CSMD1: variants seen among roughly 807,000 people sequenced by gnomAD.
CSMD1 encodes CUB and sushi domain-containing protein 1.
Under a neutral mutation model 417.5 loss-of-function variants are expected in CSMD1, and 213 were observed. The observed-to-expected ratio is 0.51, with a 90% CI of 0.46 to 0.57. The LOEUF is 0.57. Among genes scored for constraint, CSMD1 ranks in the 20% least tolerant of loss-of-function variants. The pLI, the probability that CSMD1 is intolerant of heterozygous loss-of-function variation, is 0.00. For synonymous variants in CSMD1, 2,862 were observed against 1,736.8 expected, an observed-to-expected ratio of 1.65 and a Z score of -16.11; for missense variants, 6,923 against 4,529.7, an observed-to-expected ratio of 1.53 and a Z score of -15.17.
At chr8:3,439,122 C>A (rs1482185031) in intron 12 of CSMD1, among the ~76,000 whole-genome samples, 2 of 2,492 alleles carry the variant, frequency 8.0e-4, no homozygotes, top group East Asian at 0.033. Flanking sequence ...GACTCCATCT[C>A]AAAAAAAAAA....
chr8:4,132,639 T>A (rs564487384), intron 3 of CSMD1, among the ~76,000 whole-genome samples: 1 of 152,278 alleles, frequency 6.6e-6, no homozygotes, highest in East Asian at 1.9e-4. Context: ...CTAAGCCAAA[T>A]AAATATTCTA....
intron 1 of CSMD1, among the ~76,000 whole-genome samples, chr8:4,944,940 G>T (rs905531598): frequency 6.6e-6 from 1 of 152,148 alleles, no homozygotes; most frequent in Admixed American, 6.5e-5. Context: ...GTCTCACAGA[G>T]ATATTTGCAT....
At chr8:3,590,131 A>G (rs1376281280) in intron 8 of CSMD1, among the ~76,000 whole-genome samples, 1 of 152,174 alleles carries the variant, frequency 6.6e-6, no homozygotes, top group Non-Finnish European at 1.5e-5. Flanking sequence ...ATAGAAAAAG[A>G]AAAAAGGACA....
intron 3 of CSMD1, among the ~76,000 whole-genome samples, chr8:4,201,463 G>C (rs1314510421): frequency 3.6e-5 from 5 of 140,484 alleles, no homozygotes; most frequent in African/African-American, 8.0e-5. Context: ...GCATGAACAC[G>C]GGAGGCGGAG....
intron 3 of CSMD1, among the ~76,000 whole-genome samples, chr8:4,230,801 C>G (rs572662014): frequency 2.0e-5 from 3 of 152,184 alleles, no homozygotes; most frequent in Admixed American, 6.5e-5. Context: ...ACCTCTCATA[C>G]TTCAGCAGCT....
chr8:4,374,139 A>G (rs971469179), intron 3 of CSMD1, among the ~76,000 whole-genome samples: 1 of 152,052 alleles, frequency 6.6e-6, no homozygotes, highest in African/African-American at 2.4e-5. Context: ...CATCAGCTGG[A>G]TAAGTACGTC....
At chr8:4,065,813 G>A (rs1334835938) in intron 3 of CSMD1, among the ~76,000 whole-genome samples, 8 of 152,136 alleles carry the variant, frequency 5.3e-5, no homozygotes, top group Non-Finnish European at 1.0e-4. Flanking sequence ...TACTGCTTGA[G>A]GAGTTTTCTT....
chr8:4,787,767 C>G (rs1440509644), intron 1 of CSMD1: 1 of 1,582,184 alleles, frequency 6.3e-7, no homozygotes, highest in Non-Finnish European at 8.7e-7. Flanking sequence ...AATTTTGCTT[C>G]GCTGGACTTG....
chr8:4,438,891 G>C (rs1251154873), intron 2 of CSMD1, among the ~76,000 whole-genome samples: 4 of 152,178 alleles, frequency 2.6e-5, no homozygotes, highest in Non-Finnish European at 4.4e-5. Flanking sequence ...GATTACCAAA[G>C]ACCAACGGAG....
At chr8:4,476,720 G>C (rs997763288) in intron 2 of CSMD1, among the ~76,000 whole-genome samples, 1 of 152,100 alleles carries the variant, frequency 6.6e-6, no homozygotes, top group Non-Finnish European at 1.5e-5. Flanking sequence ...CTCACTTTAT[G>C]AATAGCTTTC....
At position 3,138,431 on chromosome 8, in the gene CSMD1, C is replaced by T. The variant is rs547889125; in HGVS notation, c.6241+4034G>A. 1.4e-4 allele frequency among the ~76,000 whole-genome samples: 22 copies of T among 152,260 alleles called. No homozygotes were observed. In the East Asian group the frequency reaches 3.9e-3, roughly 27 times the overall value. Reference sequence around the variant, plus strand: ...TCCAATTTCATCACTGAAAGCAAGTCACACCACCACACTTCATTTTGAAGG... The same window carrying T: ...TCCAATTTCATCACTGAAAGCAAGTTACACCACCACACTTCATTTTGAAGG... On this transcript the variant is annotated intron_variant, in intron 41 of 69. Coordinates refer to ENST00000635120, the MANE Select transcript of CSMD1 (RefSeq NM_033225.6).
chr8:4,373,214 G>A (rs1802505930), intron 3 of CSMD1, among the ~76,000 whole-genome samples: 1 of 152,264 alleles, frequency 6.6e-6, no homozygotes, highest in East Asian at 1.9e-4. Flanking sequence ...ACAAACAAGA[G>A]GAGTCTGAGA....
At chr8:3,777,121 TACACACACACACAC>T (rs3028584) in intron 5 of CSMD1, among the ~76,000 whole-genome samples, 35 of 146,610 alleles carry the variant, frequency 2.4e-4, no homozygotes, top group Admixed American at 4.7e-4. Flanking sequence ...TATCTATACC[TACACACACACACAC>T]ACACACACAC....
At chr8:4,250,539 C>A (rs956881136) in intron 3 of CSMD1, among the ~76,000 whole-genome samples, 4 of 152,004 alleles carry the variant, frequency 2.6e-5, no homozygotes, top group Non-Finnish European at 5.9e-5. Context: ...TGAAGTCAAC[C>A]CTCAAAAGTT....
chr8:3,278,962 C>G (rs550208284), intron 26 of CSMD1: 1 of 152,260 alleles, frequency 6.6e-6, no homozygotes, highest in Admixed American at 6.5e-5. Context: ...GTTATAGGAA[C>G]CTTCTTTTCT....
At chr8:4,169,494 T>A (rs1375162337) in intron 3 of CSMD1, among the ~76,000 whole-genome samples, 2 of 152,180 alleles carry the variant, frequency 1.3e-5, no homozygotes, top group Non-Finnish European at 2.9e-5. Context: ...CCACCTCTAC[T>A]GCGGCCTTGT....
At chr8:4,659,835 C>G (rs372680381) in intron 1 of CSMD1, among the ~76,000 whole-genome samples, 1 of 151,974 alleles carries the variant, frequency 6.6e-6, no homozygotes, top group Admixed American at 6.6e-5. Flanking sequence ...ATGTAACCAT[C>G]CATATTAACA....
intron 4 of CSMD1, among the ~76,000 whole-genome samples, chr8:4,020,531 C>T (rs1016720684): frequency 2.0e-5 from 3 of 152,136 alleles, no homozygotes; most frequent in Admixed American, 6.5e-5. Flanking sequence ...GATGGGTGAA[C>T]ATCTCAGATA....
chr8:3,930,154 C>G (rs1161434146), intron 5 of CSMD1, among the ~76,000 whole-genome samples: 3 of 150,052 alleles, frequency 2.0e-5, no homozygotes, highest in Non-Finnish European at 4.4e-5. Flanking sequence ...TAAATAAGCT[C>G]TATTCCAGTG....
Sources: allele counts gnomAD v4.1 joint callset (sites outside exome capture counted in the v4.1 genomes callset), GRCh38; gene constraint gnomAD v4.1.1; transcripts MANE v1.5; gene names NCBI Gene and HGNC (gene_info 2026-07-23, HGNC 2026-07-21).